The following KLF17 variants were observed in gnomAD, a reference collection of about 807,000 sequenced individuals.
The protein encoded by KLF17 is Krueppel-like factor 17.
A neutral mutation model predicts 34.2 loss-of-function variants in KLF17; 31 were observed. The ratio of observed to expected loss-of-function variants is 0.91; its 90% CI spans 0.68 to 1.22. The LOEUF (loss-of-function observed/expected upper bound fraction) is 1.22, where lower values mean the gene tolerates loss of function less well. Ranked by LOEUF, KLF17 falls within the 50% of genes most tolerant of loss-of-function variation. The probability of loss-of-function intolerance (pLI) is 0.00; values close to 1 mark genes in which losing one functional copy is unlikely to be tolerated. For missense variants in KLF17, 478 were observed against 505.2 expected (o/e 0.95, Z 0.52); for synonymous variants, 179 against 186.7 (o/e 0.96, Z 0.34).
the KLF17 span, among the ~76,000 whole-genome samples, chr1:44,112,479 C>T: frequency 6.6e-6 from 1 of 152,074 alleles, no homozygotes; most frequent in Admixed American, 6.6e-5. Flanking sequence ...GAACATAGCT[C>T]ACTTTAACCT....
chr1:44,129,309 G>C, intron 1 of KLF17, 44 bp from the exon 2 acceptor site: 6 of 1,507,426 alleles, frequency 4.0e-6, no homozygotes, highest in Non-Finnish European at 4.4e-6. Context: ...GGAACATGTG[G>C]AACTGGAATT....
chr1:44,068,102 A>G, the KLF17 span, among the ~76,000 whole-genome samples: 1 of 151,004 alleles, frequency 6.6e-6, no homozygotes, highest in East Asian at 2.0e-4. Flanking sequence ...TCGGCTCACT[A>G]TAATCTCCGC....
chr1:44,117,554 G>A (rs1053559610), upstream of KLF17, among the ~76,000 whole-genome samples: 1 of 150,976 alleles, frequency 6.6e-6, no homozygotes, highest in African/African-American at 2.4e-5. Flanking sequence ...GGAGTGCAAT[G>A]GCGCGATCTC....
chr1:44,084,766 T>C, the KLF17 span, among the ~76,000 whole-genome samples: 1 of 151,234 alleles, frequency 6.6e-6, no homozygotes, highest in Non-Finnish European at 1.5e-5. Context: ...GAACACATTT[T>C]CTCTGTGTTC....
chr1:44,128,000 G>T (rs1441655646), intron 1 of KLF17, among the ~76,000 whole-genome samples: 1 of 151,820 alleles, frequency 6.6e-6, no homozygotes, highest in African/African-American at 2.4e-5. Context: ...CCCAATTGAA[G>T]AGTGAATAGG....
chr1:44,055,478 C>T, the KLF17 span, among the ~76,000 whole-genome samples: 1 of 152,230 alleles, frequency 6.6e-6, no homozygotes, highest in Admixed American at 6.5e-5. Context: ...TATCCCTCTA[C>T]TGGGGAGAGA....
At chr1:44,071,047 A>G in the KLF17 span, among the ~76,000 whole-genome samples, 8 of 151,822 alleles carry the variant, frequency 5.3e-5, no homozygotes, top group Admixed American at 5.3e-4. Context: ...TTATTCCTCA[A>G]CCCCCTGCAA....
intron 1 of KLF17, among the ~76,000 whole-genome samples, chr1:44,126,304 C>T (rs978490974): frequency 6.6e-6 from 1 of 152,184 alleles, no homozygotes; most frequent in Non-Finnish European, 1.5e-5. Flanking sequence ...GGATAACAGG[C>T]GTGAGCCACC....
the KLF17 span, among the ~76,000 whole-genome samples, chr1:44,062,586 T>C: frequency 6.6e-6 from 1 of 150,882 alleles, no homozygotes; most frequent in African/African-American, 2.4e-5. Context: ...CCACGTGTAG[T>C]GGTGCATGCC....
the KLF17 span, among the ~76,000 whole-genome samples, chr1:44,089,107 C>T: frequency 6.6e-6 from 1 of 151,974 alleles, no homozygotes; most frequent in African/African-American, 2.4e-5. Context: ...GGAGCATAAC[C>T]TAAGGTAAAA....
At chr1:44,049,828 T>C in the KLF17 span, among the ~76,000 whole-genome samples, 1 of 152,250 alleles carries the variant, frequency 6.6e-6, no homozygotes, top group Non-Finnish European at 1.5e-5. Context: ...CTGTTATGTA[T>C]AGTAGCATGT....
chr1:44,119,646 T>C (rs547192137), intron 1 of KLF17, among the ~76,000 whole-genome samples: 5 of 152,016 alleles, frequency 3.3e-5, no homozygotes, highest in African/African-American at 4.8e-5. Context: ...CAGCTGAGAC[T>C]CTGTTCTGGG....
chr1:44,055,196 C>T, the KLF17 span, among the ~76,000 whole-genome samples: 9 of 152,246 alleles, frequency 5.9e-5, no homozygotes, highest in East Asian at 1.2e-3. Flanking sequence ...ATGGGGCCTG[C>T]GGTCCTCTAC....
At chr1:44,092,873 C>A in the KLF17 span, among the ~76,000 whole-genome samples, 49,357 of 151,260 alleles carry the variant, frequency 0.33, 8,175 homozygotes, top group South Asian at 0.38. Flanking sequence ...AAAAAAACCC[C>A]AAAAAAACAA....
At chr1:44,047,020 C>T in the KLF17 span, among the ~76,000 whole-genome samples, 2 of 88,980 alleles carry the variant, frequency 2.2e-5, no homozygotes, top group Admixed American at 1.3e-4. Flanking sequence ...GAGCAAGACT[C>T]AGTCTCAAAA....
At chr1:44,117,836 TG>T (rs2154311237), upstream of KLF17, among the ~76,000 whole-genome samples, 1 of 152,324 alleles carries the variant, frequency 6.6e-6, no homozygotes, top group East Asian at 1.9e-4. Flanking sequence ...TGCACCCCTC[TG>T]GCCCTTTATA....
At chr1:44,131,512 GAA>G (rs1335242719) in intron 3 of KLF17, among the ~76,000 whole-genome samples, 1 of 152,048 alleles carries the variant, frequency 6.6e-6, no homozygotes, top group Non-Finnish European at 1.5e-5. Context: ...TCCAGAAAAT[GAA>G]AAAACTAGTT....
At chr1:44,078,520 C>A in the KLF17 span, among the ~76,000 whole-genome samples, 1 of 151,474 alleles carries the variant, frequency 6.6e-6, no homozygotes, top group Non-Finnish European at 1.5e-5. Context: ...TCACTGCAAC[C>A]TCCGCCTCCT....
At chr1:44,100,117 A>C in the KLF17 span, among the ~76,000 whole-genome samples, 1 of 117,652 alleles carries the variant, frequency 8.5e-6, no homozygotes, top group Non-Finnish European at 1.8e-5. Context: ...CACACACACA[A>C]ATTAGCTGGG....
Sources: allele counts gnomAD v4.1 joint callset (sites outside exome capture counted in the v4.1 genomes callset), GRCh38; gene constraint gnomAD v4.1.1; transcripts MANE v1.5; gene names NCBI Gene and HGNC (gene_info 2026-07-23, HGNC 2026-07-21).